Variants in RNF130 observed in about 807,000 individuals in gnomAD.
RNF130 encodes E3 ubiquitin-protein ligase RNF130.
Under a neutral mutation model 44.6 loss-of-function variants are expected in RNF130, and 21 were observed. That is an observed-to-expected ratio of 0.47 (90% CI 0.33 to 0.68). The LOEUF is 0.68. RNF130 is among the 30% of genes least tolerant of loss of function. RNF130 has a pLI of 0.02. For synonymous variants in RNF130, 214 were observed against 210.4 expected, an observed-to-expected ratio of 1.02 and a Z score of -0.15; for missense variants, 479 against 560.6, an observed-to-expected ratio of 0.85 and a Z score of 1.47.
chr5:179,937,904 CTG>C (rs757837790), intron 7 of RNF130, among the ~76,000 whole-genome samples: 6,043 of 119,182 alleles, frequency 0.051, 166 homozygotes, highest in Non-Finnish European at 0.054. Flanking sequence ...TTCAATGAAT[CTG>C]TGTGTGTGTG....
At chr5:180,000,918 T>G (rs974806288) in intron 3 of RNF130, among the ~76,000 whole-genome samples, 1 of 152,222 alleles carries the variant, frequency 6.6e-6, no homozygotes, top group African/African-American at 2.4e-5. Context: ...TACGTTCCTT[T>G]GATGGTGTCC....
chr5:179,958,650 G>A (rs1472777369), intron 8 of RNF130, among the ~76,000 whole-genome samples: 5 of 152,206 alleles, frequency 3.3e-5, no homozygotes, highest in South Asian at 2.1e-4. Context: ...AAAGTGTCCC[G>A]TGTTTTGGAC....
rs202093486 is a variant in RNF130, at chr5:180,054,901, T to C, written c.248-14254A>G. 7.2e-5 allele frequency among the ~76,000 whole-genome samples: 11 copies of C among 152,354 alleles called. No individual in the cohort carries two copies. In the East Asian group the frequency reaches 1.7e-3, roughly 24 times the overall value. ...TCAGTGCCAATATTACTTTAAATGA[T>C]ATTGTGAAATTTTTATTTTCTAATT... On this transcript the variant is annotated intron_variant, in intron 1 of 8. Transcript: ENST00000521389.
rs1049145927 is a variant in RNF130 at position 180,071,753 on chromosome 5, C to G, written c.-51G>C. On this transcript the variant is annotated 5_prime_UTR_variant, in exon 1 of 9. Coordinates refer to ENST00000521389, the MANE Select transcript of RNF130 (RefSeq NM_018434.6). Reference sequence around the variant, plus strand: ...CGCGGACCGGGCTCCGGGGCCGGCGCCTAGAGGCGGGGCGGGCGCGGCCCG... The same window carrying G: ...CGCGGACCGGGCTCCGGGGCCGGCGGCTAGAGGCGGGGCGGGCGCGGCCCG... The G allele has an allele frequency of 1.8e-6, 2 of 1,098,658 alleles. No homozygotes were observed. The highest frequency in any genetic ancestry group is 5.3e-5 in the Admixed American group (1 of 18,934). The allele number at this position is 1,098,658 out of a possible 1,614,324, so 68.1% of individuals were successfully genotyped here. A position where few individuals can be genotyped will look rare whatever the true frequency, so the allele number is the denominator to read the frequency against.
intron 1 of RNF130, among the ~76,000 whole-genome samples, chr5:180,041,965 G>A (rs1479889394): frequency 6.6e-6 from 1 of 152,122 alleles, no homozygotes; most frequent in Non-Finnish European, 1.5e-5. Context: ...CTACTGGGGA[G>A]GCTGAGGTGG....
rs942952847 is a variant in RNF130 at position 179,961,964 on chromosome 5, A to C, written c.1244+1507T>G. Among the ~76,000 whole-genome samples the C allele has an allele frequency of 2.2e-4, 34 of 152,356 alleles. 1 individual carries two copies. Among genetic ancestry groups the C allele is most frequent in the Non-Finnish European group, 2.9e-5 (2 of 68,032 alleles). On this transcript the variant is annotated intron_variant, in intron 8 of 8. Coordinates refer to ENST00000521389, the MANE Select transcript of RNF130 (RefSeq NM_018434.6). ...CTAAGCATTTTATAGGCTGATTCTC[A>C]TAACAACCCTGCGATATGGTCCTAG...
intron 5 of RNF130, among the ~76,000 whole-genome samples, chr5:179,972,659 G>A (rs557117503): frequency 4.0e-4 from 61 of 152,142 alleles, no homozygotes; most frequent in African/African-American, 1.4e-3. Context: ...AGCACCACCT[G>A]GGGGGATGGA....
chr5:180,056,857 A>G (rs1159134199), intron 1 of RNF130, among the ~76,000 whole-genome samples: 1 of 152,238 alleles, frequency 6.6e-6, no homozygotes, highest in African/African-American at 2.4e-5. Flanking sequence ...CCACTGCTAC[A>G]TGCAGTAACA....
At chr5:180,006,586 A>G (rs1034457867) in intron 3 of RNF130, among the ~76,000 whole-genome samples, 2 of 152,230 alleles carry the variant, frequency 1.3e-5, no homozygotes, top group Admixed American at 6.5e-5. Flanking sequence ...TTCACTGGGA[A>G]GTTTTAAGAA....
chr5:180,062,721 GA>G (rs1765015809), intron 1 of RNF130, among the ~76,000 whole-genome samples: 1 of 152,182 alleles, frequency 6.6e-6, no homozygotes, highest in African/African-American at 2.4e-5. Context: ...TGCCAGAGAT[GA>G]ATGTGGTAGA....
chr5:180,006,294 A>T (rs975504335), intron 3 of RNF130, among the ~76,000 whole-genome samples: 2 of 148,366 alleles, frequency 1.3e-5, no homozygotes, highest in African/African-American at 2.4e-5. Flanking sequence ...CCAATGTGGA[A>T]GAAAAAAAAA....
chr5:180,023,814 T>A (rs139966208), intron 2 of RNF130, among the ~76,000 whole-genome samples: 3 of 152,216 alleles, frequency 2.0e-5, no homozygotes, highest in Non-Finnish European at 4.4e-5. Flanking sequence ...AGATGGAGCA[T>A]AAATCCCCAC....
chr5:180,045,319 C>T (rs1468009903), intron 1 of RNF130, among the ~76,000 whole-genome samples: 1 of 152,184 alleles, frequency 6.6e-6, no homozygotes, highest in African/African-American at 2.4e-5. Context: ...AAGCCGCGGA[C>T]CCTCACGGTG....
chr5:179,952,169 G>A (rs1004673954), downstream of RNF130, among the ~76,000 whole-genome samples: 1 of 152,092 alleles, frequency 6.6e-6, no homozygotes, highest in African/African-American at 2.4e-5. Context: ...CTGCACTCCA[G>A]CCTGGGTGAC....
exon 8 of RNF130, chr5:179,914,743 C>G (rs1234570508): frequency 1.3e-5 from 2 of 152,270 alleles, no homozygotes; most frequent in Non-Finnish European, 2.9e-5. Flanking sequence ...AAAAACACAG[C>G]TTCTGACCGG....
At chr5:179,936,418 G>A (rs553983094) in intron 7 of RNF130, among the ~76,000 whole-genome samples, 3 of 151,948 alleles carry the variant, frequency 2.0e-5, no homozygotes, top group East Asian at 1.9e-4. Context: ...TTGTAGAGAC[G>A]GGTTCTCATC....
At chr5:179,993,204 T>C (rs907444227) in intron 3 of RNF130, among the ~76,000 whole-genome samples, 2 of 152,274 alleles carry the variant, frequency 1.3e-5, no homozygotes, top group Non-Finnish European at 1.5e-5. Flanking sequence ...TGTGTCTTTA[T>C]AGCAGCACGA....
At chr5:180,064,117 C>CATGGATTTAAGCCTATTT (rs1765045463) in intron 1 of RNF130, among the ~76,000 whole-genome samples, 1 of 152,116 alleles carries the variant, frequency 6.6e-6, no homozygotes, top group African/African-American at 2.4e-5. Context: ...ATTTTATGTC[C>CATGGATTTAAGCCTATTT]ATGGATTTAA....
intron 1 of RNF130, among the ~76,000 whole-genome samples, chr5:180,041,051 C>T (rs1018606023): frequency 1.6e-4 from 25 of 151,992 alleles, no homozygotes; most frequent in African/African-American, 4.3e-4. Context: ...CTCCACACAC[C>T]GCCACCACCG....
Sources: gnomAD v4.1 joint callset for allele counts (sites outside exome capture counted in the v4.1 genomes callset) on GRCh38, gnomAD v4.1.1 for gene constraint, MANE v1.5 for transcripts, NCBI Gene and HGNC (gene_info 2026-07-23, HGNC 2026-07-21) for gene names.